Variants in ATP8A2 observed in about 807,000 individuals in gnomAD.
ATP8A2 encodes ATPase phospholipid transporting 8A2.
ATP8A2 carries 100 observed loss-of-function variants against 165.6 expected under a neutral mutation model. That is an observed-to-expected ratio of 0.60 (90% CI 0.51 to 0.71). The LOEUF (loss-of-function observed/expected upper bound fraction) is 0.71. Among genes scored for constraint, ATP8A2 ranks in the 30% least tolerant of loss-of-function variants. The probability of loss-of-function intolerance (pLI) is 0.00; values close to 1 mark genes in which losing one functional copy is unlikely to be tolerated. For missense variants in ATP8A2, 1,227 were observed against 1,479.5 expected, an observed-to-expected ratio of 0.83 and a Z score of 2.80; for synonymous variants, 543 against 548.8, an observed-to-expected ratio of 0.99 and a Z score of 0.15.
chr13:25,623,078 G>A (rs1052490574), intron 24 of ATP8A2, among the ~76,000 whole-genome samples: 1 of 152,138 alleles, frequency 6.6e-6, no homozygotes, highest in African/African-American at 2.4e-5. Flanking sequence ...AAAAGAAATT[G>A]AATTTCAACA....
At chr13:25,702,381 A>G (rs1313730398) in intron 25 of ATP8A2, among the ~76,000 whole-genome samples, 1 of 152,202 alleles carries the variant, frequency 6.6e-6, no homozygotes, top group Non-Finnish European at 1.5e-5. Context: ...GAATCAAACA[A>G]TTTGCTAATT....
chr13:25,955,706 A>G (rs1566301958), intron 33 of ATP8A2, among the ~76,000 whole-genome samples: 1 of 152,208 alleles, frequency 6.6e-6, no homozygotes, highest in Non-Finnish European at 1.5e-5. Flanking sequence ...TACACAGAGG[A>G]GCTGGTACCA....
At chr13:25,428,875 G>T (rs2034525516) in intron 1 of ATP8A2, among the ~76,000 whole-genome samples, 1 of 152,156 alleles carries the variant, frequency 6.6e-6, no homozygotes, top group Non-Finnish European at 1.5e-5. Flanking sequence ...CCTCTGTCCA[G>T]CCTGGACATG....
intron 27 of ATP8A2, among the ~76,000 whole-genome samples, chr13:25,792,336 G>A (rs188617709): frequency 2.6e-5 from 4 of 152,242 alleles, no homozygotes; most frequent in East Asian, 3.9e-4. Flanking sequence ...GTAACTGACC[G>A]AACAGTGTTT....
intron 35 of ATP8A2, among the ~76,000 whole-genome samples, chr13:26,001,618 T>C (rs1956632646): frequency 6.6e-6 from 1 of 152,238 alleles, no homozygotes; most frequent in Non-Finnish European, 1.5e-5. Flanking sequence ...ATTTCCCTAA[T>C]GACTAATGAT....
intron 27 of ATP8A2, among the ~76,000 whole-genome samples, chr13:25,786,019 C>T (rs918861996): frequency 5.9e-5 from 9 of 152,146 alleles, no homozygotes; most frequent in African/African-American, 2.2e-4. Flanking sequence ...TTTTGACCCT[C>T]GGTTTTAAAA....
At chr13:25,671,560 CT>C (rs1348049289) in intron 24 of ATP8A2, among the ~76,000 whole-genome samples, 3 of 152,162 alleles carry the variant, frequency 2.0e-5, no homozygotes, top group Non-Finnish European at 4.4e-5. Flanking sequence ...ACTGGCCCCC[CT>C]GGGTGTGGTC....
At chr13:25,697,047 G>A (rs979032961) in intron 24 of ATP8A2, among the ~76,000 whole-genome samples, 1 of 152,152 alleles carries the variant, frequency 6.6e-6, no homozygotes, top group East Asian at 1.9e-4. Context: ...GAAGTGAGCC[G>A]GTGCTGTTGG....
intron 24 of ATP8A2, among the ~76,000 whole-genome samples, chr13:25,691,534 T>C (rs2042725771): frequency 6.6e-6 from 1 of 152,060 alleles, no homozygotes; most frequent in Non-Finnish European, 1.5e-5. Context: ...TGTCATGGGG[T>C]AAGTGGGAAA....
At chr13:25,442,488 G>A (rs1034213919) in intron 1 of ATP8A2, among the ~76,000 whole-genome samples, 1 of 152,108 alleles carries the variant, frequency 6.6e-6, no homozygotes, top group Middle Eastern at 3.4e-3. Context: ...ATTATGGCTC[G>A]CTGTAGCCTC....
intron 4 of ATP8A2, among the ~76,000 whole-genome samples, chr13:25,531,117 CT>C (rs1415267175): frequency 3.7e-5 from 5 of 135,682 alleles, no homozygotes; most frequent in Middle Eastern, 8.7e-3. Flanking sequence ...CTGTCTCCCC[CT>C]ATATATTTGT....
At chr13:25,705,829 C>T (rs914647767) in intron 25 of ATP8A2, among the ~76,000 whole-genome samples, 1 of 152,170 alleles carries the variant, frequency 6.6e-6, no homozygotes, top group African/African-American at 2.4e-5. Flanking sequence ...AGGGTTACAC[C>T]TTTTACAATA....
intron 27 of ATP8A2, among the ~76,000 whole-genome samples, chr13:25,804,219 A>G (rs1390412954): frequency 6.6e-6 from 1 of 152,124 alleles, no homozygotes; most frequent in Non-Finnish European, 1.5e-5. Flanking sequence ...GGGTGGGGTA[A>G]GGAATGGCCG....
At chr13:25,730,440 C>A (rs2043595680) in intron 25 of ATP8A2, among the ~76,000 whole-genome samples, 1 of 152,168 alleles carries the variant, frequency 6.6e-6, no homozygotes, top group Non-Finnish European at 1.5e-5. Flanking sequence ...CTTTCTATTA[C>A]ACTGGTCCTG....
chr13:25,543,278 T>C lies in ATP8A2; in HGVS notation c.780-13T>C. 6.6e-7 allele frequency: 1 copy of C among 1,526,654 alleles called. No individual in the cohort carries two copies. The highest frequency in any genetic ancestry group is 1.4e-5 in the African/African-American group (1 of 73,006). 94.6% of individuals were successfully genotyped at this position (1,526,654 alleles called of 1,614,324 possible). On this transcript the variant is annotated splice_polypyrimidine_tract_variant and intron_variant, in intron 9 of 36. Coordinates refer to ENST00000381655, the MANE Select transcript of ATP8A2 (RefSeq NM_016529.6). ...GACTATCATTAAATATCATTGTTGT[T>C]TTTTATTTTTAGCCTTGTTGCCCTT... is the stretch of plus-strand genomic sequence containing the variant.
intron 25 of ATP8A2, among the ~76,000 whole-genome samples, chr13:25,715,894 A>C (rs1274044219): frequency 2.0e-5 from 3 of 152,180 alleles, no homozygotes; most frequent in Non-Finnish European, 4.4e-5. Flanking sequence ...TGTTTTTCTA[A>C]GTGGCTACAC....
At chr13:25,449,682 T>C (rs1189108362) in intron 1 of ATP8A2, among the ~76,000 whole-genome samples, 3 of 152,234 alleles carry the variant, frequency 2.0e-5, no homozygotes, top group Non-Finnish European at 4.4e-5. Flanking sequence ...TGCGGGTTTT[T>C]CTATTTCAAC....
chr13:25,433,263 T>C lies in ATP8A2; in HGVS notation c.77-35714T>C, dbSNP rs1339050757. Among the ~76,000 whole-genome samples the C allele has an allele frequency of 4.6e-5, 7 of 152,254 alleles. No individual in the cohort carries two copies. In the East Asian group the frequency reaches 1.2e-3, roughly 25 times the overall value. ...CTGAAATTCATTTCAGGTCTGTTTT[T>C]CTTTTCCTTTTGTTTTGTTTTGTTT... On this transcript the variant is annotated intron_variant, in intron 1 of 36. Transcript: ENST00000381655.
intron 33 of ATP8A2, among the ~76,000 whole-genome samples, chr13:25,888,068 A>AAC (rs1953217902): frequency 9.5e-6 from 1 of 105,582 alleles, no homozygotes; most frequent in African/African-American, 3.4e-5. Context: ...AAGAACCCAG[A>AAC]CCCCCCCCCC....
Sources: allele counts gnomAD v4.1 joint callset (sites outside exome capture counted in the v4.1 genomes callset), GRCh38; gene constraint gnomAD v4.1.1; transcripts MANE v1.5; gene names NCBI Gene and HGNC (gene_info 2026-07-23, HGNC 2026-07-21).